COL26A1: variants seen among roughly 807,000 people sequenced by gnomAD.
The protein encoded by COL26A1 is collagen type XXVI alpha 1 chain.
Under a neutral mutation model 59.3 loss-of-function variants are expected in COL26A1, and 41 were observed. The ratio of observed to expected loss-of-function variants is 0.69; its 90% CI spans 0.54 to 0.90. The LOEUF (loss-of-function observed/expected upper bound fraction) is 0.90. COL26A1 is among the 40% of genes least tolerant of loss of function. The pLI, the probability that COL26A1 is intolerant of heterozygous loss-of-function variation, is 0.00. For synonymous variants in COL26A1, 266 were observed against 256.0 expected, an observed-to-expected ratio of 1.04 and a Z score of -0.37; for missense variants, 612 against 602.3, an observed-to-expected ratio of 1.02 and a Z score of -0.17.
intron 3 of COL26A1, among the ~76,000 whole-genome samples, chr7:101,528,075 G>A (rs1371005027): frequency 6.6e-6 from 1 of 152,122 alleles, no homozygotes; most frequent in South Asian, 2.1e-4. Flanking sequence ...GGGGTGGTGT[G>A]GGGAGTCCGA....
chr7:101,412,179 TC>T (rs1277671381), intron 1 of COL26A1, among the ~76,000 whole-genome samples: 2 of 151,788 alleles, frequency 1.3e-5, no homozygotes, highest in Non-Finnish European at 2.9e-5. Context: ...ACAAAACAGA[TC>T]GGGGCAGAAG....
intron 11 of COL26A1, among the ~76,000 whole-genome samples, chr7:101,555,479 A>G (rs1380015536): frequency 6.6e-6 from 1 of 152,100 alleles, no homozygotes; most frequent in Non-Finnish European, 1.5e-5. Context: ...TGGAAGGAAA[A>G]GCTCAGGCTG....
intron 3 of COL26A1, among the ~76,000 whole-genome samples, chr7:101,455,057 T>A (rs1793436932): frequency 7.5e-6 from 1 of 133,274 alleles, no homozygotes; most frequent in African/African-American, 2.7e-5. Flanking sequence ...TTTTTTTTTT[T>A]TTTGAGATAG....
chr7:101,400,411 G>C (rs10953341), intron 1 of COL26A1, among the ~76,000 whole-genome samples: 45,551 of 140,668 alleles, frequency 0.32, 8,133 homozygotes, highest in African/African-American at 0.47. Context: ...ACCCAGGCTG[G>C]AGTGCAGTGG....
chr7:101,455,198 A>G (rs1793440689), intron 3 of COL26A1, among the ~76,000 whole-genome samples: 1 of 151,546 alleles, frequency 6.6e-6, no homozygotes, highest in African/African-American at 2.4e-5. Context: ...ATGAACCACC[A>G]CACCTGGCTA....
chr7:101,409,141 G>A, intron 1 of COL26A1, among the ~76,000 whole-genome samples: 1 of 151,934 alleles, frequency 6.6e-6, no homozygotes, highest in East Asian at 1.9e-4. Context: ...AGAATGAGGA[G>A]GGGAAGAGAA....
At chr7:101,484,711 G>C (rs1794231472) in intron 3 of COL26A1, among the ~76,000 whole-genome samples, 1 of 151,554 alleles carries the variant, frequency 6.6e-6, no homozygotes, top group African/African-American at 2.4e-5. Context: ...TGTCACCCAG[G>C]CTAGAGTACA....
At chr7:101,399,037 G>T (rs921183325) in intron 1 of COL26A1, among the ~76,000 whole-genome samples, 4 of 152,076 alleles carry the variant, frequency 2.6e-5, no homozygotes, top group African/African-American at 9.7e-5. Flanking sequence ...AGGCGTGGTG[G>T]CTCATACCTG....
At chr7:101,384,244 T>TTTG (rs1211674958) in intron 1 of COL26A1, among the ~76,000 whole-genome samples, 2 of 150,338 alleles carry the variant, frequency 1.3e-5, no homozygotes, top group Non-Finnish European at 3.0e-5. Flanking sequence ...TTTTTTTTTT[T>TTTG]TTTTTTTTTT....
At chr7:101,496,122 G>A (rs1794580509) in intron 3 of COL26A1, among the ~76,000 whole-genome samples, 1 of 152,102 alleles carries the variant, frequency 6.6e-6, no homozygotes, top group Admixed American at 6.6e-5. Context: ...GACTAGGCAT[G>A]GCCCAGTTCC....
chr7:101,544,689 T>C (rs930592293), intron 6 of COL26A1, among the ~76,000 whole-genome samples: 5 of 151,562 alleles, frequency 3.3e-5, no homozygotes, highest in Non-Finnish European at 7.4e-5. Flanking sequence ...CCTGCCACCA[T>C]GCCTGGCTAA....
At chr7:101,489,878 CTT>C (rs1203641494) in intron 3 of COL26A1, among the ~76,000 whole-genome samples, 11 of 67,964 alleles carry the variant, frequency 1.6e-4, no homozygotes, top group South Asian at 5.6e-4. Flanking sequence ...TTCTTTCTTT[CTT>C]TCTTTCTTTC....
At chr7:101,412,951 C>T (rs1022200910) in intron 1 of COL26A1, among the ~76,000 whole-genome samples, 4 of 152,278 alleles carry the variant, frequency 2.6e-5, no homozygotes, top group Admixed American at 6.5e-5. Context: ...CAGGCAGCCT[C>T]GGAGAGGGGT....
intron 2 of COL26A1, among the ~76,000 whole-genome samples, chr7:101,433,591 C>A (rs1008245078): frequency 2.0e-5 from 3 of 152,026 alleles, no homozygotes; most frequent in African/African-American, 7.2e-5. Flanking sequence ...GAGACCCTGG[C>A]AAATGCAGTT....
In COL26A1 at chr7:101,451,882, T is replaced by A. The variant is rs6958665; in HGVS notation, c.385+4095T>A. ...ACCACACCCAGCTATGTTTTTTGTATTTTTAGTAGAGATGGGGTTTCACCA... is the reference window on the plus strand; with the variant it reads ...ACCACACCCAGCTATGTTTTTTGTAATTTTAGTAGAGATGGGGTTTCACCA... On this transcript the variant is annotated intron_variant, in intron 3 of 12. Transcript: ENST00000313669. Among the ~76,000 whole-genome samples, 713 of 152,160 alleles carry A rather than the reference T, an allele frequency of 4.7e-3. 3 individuals are homozygous for A. Among genetic ancestry groups the A allele is most frequent in the Non-Finnish European group, 7.6e-3 (520 of 68,002 alleles).
intron 1 of COL26A1, among the ~76,000 whole-genome samples, chr7:101,384,379 G>C (rs1010491526): frequency 1.3e-5 from 2 of 151,936 alleles, no homozygotes; most frequent in African/African-American, 4.8e-5. Flanking sequence ...TGGGATTACA[G>C]GCTTCAGCCA....
chr7:101,409,736 A>G (rs1440472659), intron 1 of COL26A1, among the ~76,000 whole-genome samples: 1 of 152,216 alleles, frequency 6.6e-6, no homozygotes, highest in East Asian at 1.9e-4. Flanking sequence ...ATAGTTCTCA[A>G]ATCCACCTTC....
At chr7:101,407,572 C>T (rs948343016) in intron 1 of COL26A1, among the ~76,000 whole-genome samples, 5 of 151,760 alleles carry the variant, frequency 3.3e-5, no homozygotes, top group Non-Finnish European at 7.4e-5. Context: ...GGCAGTTTCT[C>T]TGCATTTCTA....
At chr7:101,404,995 G>A (rs1411904966) in intron 1 of COL26A1, among the ~76,000 whole-genome samples, 3 of 152,078 alleles carry the variant, frequency 2.0e-5, no homozygotes, top group Non-Finnish European at 4.4e-5. Flanking sequence ...AGGCGGAGGC[G>A]GGCAGATCAC....
Sources: allele counts gnomAD v4.1 joint callset (sites outside exome capture counted in the v4.1 genomes callset), GRCh38; gene constraint gnomAD v4.1.1; transcripts MANE v1.5; gene names NCBI Gene and HGNC (gene_info 2026-07-23, HGNC 2026-07-21).